IPMK: variants seen among roughly 807,000 people sequenced by gnomAD.
IPMK encodes inositol 1,3,4,6-tetrakisphosphate 5-kinase.
A neutral mutation model predicts 45.8 loss-of-function variants in IPMK; 17 were observed. The ratio of observed to expected loss-of-function variants is 0.37; its 90% CI spans 0.25 to 0.56. IPMK has a LOEUF of 0.56. IPMK is among the 20% of genes least tolerant of loss of function. IPMK has a pLI of 0.79. For synonymous variants in IPMK, 180 were observed against 184.3 expected, an observed-to-expected ratio of 0.98 and a Z score of 0.19; for missense variants, 399 against 498.0, an observed-to-expected ratio of 0.80 and a Z score of 1.89.
intron 4 of IPMK, among the ~76,000 whole-genome samples, chr10:58,205,705 A>T (rs1378382609): frequency 4.6e-5 from 7 of 152,176 alleles, no homozygotes; most frequent in Admixed American, 1.3e-4. Context: ...CTAGGGATTT[A>T]AAAAACTACA....
chr10:58,257,550 T>C (rs1184320823), intron 1 of IPMK, among the ~76,000 whole-genome samples: 2 of 152,072 alleles, frequency 1.3e-5, no homozygotes, highest in Non-Finnish European at 2.9e-5. Flanking sequence ...ATTTTTAAAA[T>C]GTGAGAAAGG....
Position 58,193,578 on chromosome 10 carries a change from T to C in IPMK, c.*2498A>G, listed in dbSNP as rs948779979. On this transcript the variant is annotated 3_prime_UTR_variant, in exon 6 of 6. Coordinates refer to ENST00000373935, the MANE Select transcript of IPMK (RefSeq NM_152230.5). ...TATAAAACTATTATACAATTTAAAT[T>C]TTTATTAGAGAAAGGTATTATTCAC... 5 of 151,832 alleles carry C rather than the reference T, an allele frequency of 3.3e-5. No homozygotes were observed. The highest frequency in any genetic ancestry group is 7.4e-5 in the Non-Finnish European group (5 of 67,758). 9.4% of individuals were successfully genotyped at this position (151,832 alleles called of 1,614,324 possible). A position where few individuals can be genotyped will look rare whatever the true frequency, so the allele number is the denominator to read the frequency against.
chr10:58,241,212 G>A (rs2132167569), intron 1 of IPMK, among the ~76,000 whole-genome samples: 1 of 152,254 alleles, frequency 6.6e-6, no homozygotes, highest in Non-Finnish European at 1.5e-5. Context: ...AGAGGGGCAG[G>A]ATACCTGAAC....
At chr10:58,214,868 C>G (rs1007686124) in intron 4 of IPMK, among the ~76,000 whole-genome samples, 1 of 152,222 alleles carries the variant, frequency 6.6e-6, no homozygotes, top group Admixed American at 6.5e-5. Flanking sequence ...TCAAAATGGC[C>G]TCAACAAAAT....
At chr10:58,225,835 GA>G (rs953379174) in intron 3 of IPMK, among the ~76,000 whole-genome samples, 2 of 151,568 alleles carry the variant, frequency 1.3e-5, no homozygotes, top group Admixed American at 1.3e-4. Flanking sequence ...AGCAAAGAGG[GA>G]AAAAAAAGGA....
At chr10:58,206,012 A>G (rs1838064869) in intron 4 of IPMK, among the ~76,000 whole-genome samples, 1 of 152,238 alleles carries the variant, frequency 6.6e-6, no homozygotes, top group Non-Finnish European at 1.5e-5. Flanking sequence ...ACAAATGTTC[A>G]TAACAGTTAT....
intron 1 of IPMK, among the ~76,000 whole-genome samples, chr10:58,251,454 C>T (rs1421470697): frequency 1.3e-5 from 2 of 149,362 alleles, no homozygotes; most frequent in African/African-American, 5.1e-5. Flanking sequence ...AATGTGTATT[C>T]TGCAACTGTT....
chr10:58,267,564 G>C lies in IPMK; in HGVS notation c.48C>G (p.Pro16=). Residue 16 remains proline, a synonymous_variant, in exon 1 of 6, where the codon CCC becomes CCG. Coordinates refer to ENST00000373935, the MANE Select transcript of IPMK (RefSeq NM_152230.5). ...PSPLRVEAPG[P]PEMRTSPAIE... ...TCGCCGGTGAGGTCCGCATTTCTGG[G>C]GGGCCCGGCGCCTCGACCCGGAGGG... 2 of 1,609,652 alleles carry C rather than the reference G, an allele frequency of 1.2e-6. No individual in the cohort carries two copies. Among genetic ancestry groups the C allele is most frequent in the South Asian group, 1.1e-5 (1 of 90,614 alleles).
chr10:58,238,845 TTTG>T (rs1838655603), intron 1 of IPMK, among the ~76,000 whole-genome samples: 1 of 151,938 alleles, frequency 6.6e-6, no homozygotes. Flanking sequence ...AAGTTTGTTT[TTTG>T]TTTTTTTTTA....
intron 3 of IPMK, among the ~76,000 whole-genome samples, chr10:58,218,628 T>C (rs893339384): frequency 1.3e-5 from 2 of 152,208 alleles, no homozygotes; most frequent in African/African-American, 4.8e-5. Flanking sequence ...GGTCAAGTTG[T>C]ATATGGGAGT....
chr10:58,242,269 A>T (rs1244161456), intron 1 of IPMK, among the ~76,000 whole-genome samples: 1 of 152,148 alleles, frequency 6.6e-6, no homozygotes, highest in Non-Finnish European at 1.5e-5. Context: ...CATCTTGGCT[A>T]ACATGGTGAA....
chr10:58,237,768 T>A lies in IPMK; in HGVS notation c.237A>T (p.Pro79=). Residue 79 remains proline, a synonymous_variant, in exon 2 of 6, where the codon CCA becomes CCT. Coordinates refer to ENST00000373935, the MANE Select transcript of IPMK (RefSeq NM_152230.5). The stretch of plus-strand genomic sequence containing the variant: ...CCAGCTCTCTTGGGCCCCTTGGAGG[T>A]GGTTGTAACTGTTTCAAAACTGTGC... ...PDGTVLKQLQ[P]PPRGPRELEF... The A allele has an allele frequency of 6.2e-7, 1 of 1,613,602 alleles. No homozygotes were observed. The highest frequency in any genetic ancestry group is 8.5e-7 in the Non-Finnish European group (1 of 1,179,804).
chr10:58,219,154 C>T (rs1026742793), intron 3 of IPMK, among the ~76,000 whole-genome samples: 112 of 152,124 alleles, frequency 7.4e-4, no homozygotes, highest in African/African-American at 2.6e-3. Flanking sequence ...ATAAGTTAAG[C>T]CTAGTGAAGA....
intron 2 of IPMK, among the ~76,000 whole-genome samples, chr10:58,231,392 T>G (rs1041722718): frequency 2.6e-5 from 4 of 151,954 alleles, no homozygotes; most frequent in African/African-American, 9.7e-5. Context: ...TCACCAAGGT[T>G]GAAATGAAGG....
chr10:58,265,142 T>C (rs998089614), intron 1 of IPMK, among the ~76,000 whole-genome samples: 1 of 152,230 alleles, frequency 6.6e-6, no homozygotes, highest in East Asian at 1.9e-4. Flanking sequence ...GAACTACTAA[T>C]ATATGCTTGT....
chr10:58,262,024 A>G (rs1042029524), intron 1 of IPMK, among the ~76,000 whole-genome samples: 2 of 152,122 alleles, frequency 1.3e-5, no homozygotes, highest in Non-Finnish European at 2.9e-5. Context: ...GTTCTCACTC[A>G]TAGGTGGGAA....
chr10:58,208,663 ATAT>A, intron 4 of IPMK, among the ~76,000 whole-genome samples: 1 of 152,066 alleles, frequency 6.6e-6, no homozygotes, highest in East Asian at 1.9e-4. Flanking sequence ...TATAGTAGTT[ATAT>A]TATTAGTGTG....
intron 4 of IPMK, among the ~76,000 whole-genome samples, chr10:58,213,985 C>T (rs986370868): frequency 2.0e-5 from 3 of 152,038 alleles, no homozygotes; most frequent in Non-Finnish European, 2.9e-5. Context: ...ATAGAAATAA[C>T]GAGTTTGGTT....
In IPMK at chr10:58,217,688, C is replaced by CAAAAA. The variant is rs11393849; in HGVS notation, c.374-1376_374-1372dup. Among the ~76,000 whole-genome samples, 159 of 49,196 alleles carry CAAAAA rather than the reference C, an allele frequency of 3.2e-3. 9 individuals carry two copies. The highest frequency in any genetic ancestry group is 9.6e-3 in the South Asian group (11 of 1,150). 32.3% of individuals were successfully genotyped at this position (49,196 alleles called of 152,430 possible). A position where few individuals can be genotyped will look rare whatever the true frequency, so the allele number is the denominator to read the frequency against. The stretch of plus-strand genomic sequence containing the variant: ...GGGCAACAAGAGCAAAACTCCATCT[C>CAAAAA]AAAAAAAAAAAAAAAAAAAAAGAAT... On this transcript the variant is annotated intron_variant, in intron 3 of 5. Transcript: ENST00000373935.
Sources: allele counts gnomAD v4.1 joint callset (sites outside exome capture counted in the v4.1 genomes callset), GRCh38; gene constraint gnomAD v4.1.1; transcripts MANE v1.5; gene names NCBI Gene and HGNC (gene_info 2026-07-23, HGNC 2026-07-21).